Variants in NXPE4 observed in about 807,000 individuals in gnomAD.
NXPE4 encodes the protein NXPE family member 4.
NXPE4 carries 42 observed loss-of-function variants against 33.3 expected under a neutral mutation model. The observed-to-expected ratio is 1.26, with a 90% CI of 0.98 to 1.63. The LOEUF is 1.63. Among genes scored for constraint, NXPE4 ranks in the 40% most tolerant of loss-of-function variants. The pLI, the probability that NXPE4 is intolerant of heterozygous loss-of-function variation, is 0.00. For synonymous variants in NXPE4, 253 were observed against 234.9 expected (o/e 1.08, Z -0.71); for missense variants, 709 against 647.6 (o/e 1.09, Z -1.03).
Position 114,584,331 on chromosome 11 carries a change from G to A in NXPE4, c.97-1310C>T, listed in dbSNP as rs934308355. The stretch of plus-strand genomic sequence containing the variant: ...CTAACCAGAACACTAATGAGTACCT[G>A]GAGAAGATTAAACAGTGGCTGTTTG... On this transcript the variant is annotated intron_variant, in intron 2 of 5. Transcript: ENST00000375478. 7.5e-5 allele frequency: 36 copies of A among 480,508 alleles called. No homozygotes were observed. In the Middle Eastern group the frequency reaches 3.7e-3, roughly 50 times the overall value. 29.8% of individuals were successfully genotyped at this position (480,508 alleles called of 1,614,324 possible).
intron 2 of NXPE4, among the ~76,000 whole-genome samples, chr11:114,589,604 T>C (rs796100788): frequency 7.2e-5 from 11 of 152,282 alleles, no homozygotes; most frequent in African/African-American, 2.2e-4. Context: ...CAGGAAAAAC[T>C]CTTTTTCTCC....
the NXPE4 span, among the ~76,000 whole-genome samples, chr11:114,609,494 T>C: frequency 6.6e-6 from 1 of 151,848 alleles, no homozygotes; most frequent in Non-Finnish European, 1.5e-5. Context: ...GTAACCATTG[T>C]TACCTGGTGG....
the NXPE4 span, among the ~76,000 whole-genome samples, chr11:114,653,996 C>G: frequency 2.6e-5 from 4 of 152,006 alleles, no homozygotes; most frequent in Admixed American, 2.6e-4. Flanking sequence ...AAGGCATACC[C>G]GGCAGAGGGA....
At chr11:114,602,047 T>TTATATTATA in the NXPE4 span, among the ~76,000 whole-genome samples, 1 of 91,282 alleles carries the variant, frequency 1.1e-5, no homozygotes, top group Non-Finnish European at 1.9e-5. Flanking sequence ...ATAATATATA[T>TTATATTATA]TATATTATAT....
At chr11:114,613,565 A>C in the NXPE4 span, among the ~76,000 whole-genome samples, 1 of 144,252 alleles carries the variant, frequency 6.9e-6, no homozygotes, top group East Asian at 2.2e-4. Flanking sequence ...AGTGTTGCCT[A>C]TTGGGTAACC....
chr11:114,655,244 A>G, the NXPE4 span, among the ~76,000 whole-genome samples: 100 of 152,268 alleles, frequency 6.6e-4, no homozygotes, highest in Non-Finnish European at 1.1e-3. Flanking sequence ...AGATGGGTAG[A>G]TTGCAAAAAT....
chr11:114,628,795 A>G, the NXPE4 span, among the ~76,000 whole-genome samples: 1 of 151,964 alleles, frequency 6.6e-6, no homozygotes, highest in South Asian at 2.1e-4. Flanking sequence ...AATGAAAAAA[A>G]GAGAGAAGAA....
At chr11:114,578,121 G>A (rs527798241) in intron 5 of NXPE4, among the ~76,000 whole-genome samples, 5 of 152,172 alleles carry the variant, frequency 3.3e-5, no homozygotes, top group Non-Finnish European at 7.3e-5. Context: ...TTCAGAGGAG[G>A]ATTATTGATG....
intron 5 of NXPE4, among the ~76,000 whole-genome samples, chr11:114,575,851 T>C (rs1948984008): frequency 6.6e-6 from 1 of 151,932 alleles, no homozygotes; most frequent in Non-Finnish European, 1.5e-5. Flanking sequence ...AAAAAACAAT[T>C]CTAAAATTCA....
At chr11:114,633,762 A>G in the NXPE4 span, among the ~76,000 whole-genome samples, 1 of 151,624 alleles carries the variant, frequency 6.6e-6, no homozygotes, top group Non-Finnish European at 1.5e-5. Flanking sequence ...ATGATTTCCA[A>G]TTTCATCCAT....
the NXPE4 span, among the ~76,000 whole-genome samples, chr11:114,671,236 T>G: frequency 5.9e-5 from 9 of 151,420 alleles, no homozygotes; most frequent in African/African-American, 7.3e-5. Flanking sequence ...GTAGAGATTA[T>G]GCAGTCTAGA....
At chr11:114,638,750 G>T in the NXPE4 span, among the ~76,000 whole-genome samples, 1 of 152,002 alleles carries the variant, frequency 6.6e-6, no homozygotes, top group Non-Finnish European at 1.5e-5. Flanking sequence ...GTTTGCCTGG[G>T]TAACAGCAGC....
chr11:114,623,235 A>C, the NXPE4 span, among the ~76,000 whole-genome samples: 1 of 151,996 alleles, frequency 6.6e-6, no homozygotes, highest in Non-Finnish European at 1.5e-5. Flanking sequence ...CCTCTAGCAT[A>C]ACCACTGTTT....
rs111504870 is a variant in NXPE4, at chr11:114,588,052, C to A, written c.97-5031G>T. Among the ~76,000 whole-genome samples the A allele has an allele frequency of 1.6e-3, 249 of 152,298 alleles. 1 individual carries two copies. The highest frequency in any genetic ancestry group is 5.7e-3 in the African/African-American group (235 of 41,570). On this transcript the variant is annotated intron_variant, in intron 2 of 5. Coordinates refer to ENST00000375478, the MANE Select transcript of NXPE4 (RefSeq NM_001077639.2). ...ACAACCCAGAACTTTGCAAGCATTGCACAATCAGCTCAGCTCTTTCAGCAG... is the reference window on the plus strand; with the variant it reads ...ACAACCCAGAACTTTGCAAGCATTGAACAATCAGCTCAGCTCTTTCAGCAG...
At chr11:114,603,063 G>C in the NXPE4 span, among the ~76,000 whole-genome samples, 1 of 151,018 alleles carries the variant, frequency 6.6e-6, no homozygotes, top group African/African-American at 2.4e-5. Flanking sequence ...TTGTCTCATA[G>C]GTAACTATTA....
the NXPE4 span, among the ~76,000 whole-genome samples, chr11:114,628,482 G>T: frequency 6.6e-6 from 1 of 151,900 alleles, no homozygotes; most frequent in Non-Finnish European, 1.5e-5. Flanking sequence ...TGAGAACAAA[G>T]ACACAACGTA....
At position 114,582,489 on chromosome 11, in the gene NXPE4, T is replaced by C. The variant is rs746673669; in HGVS notation, c.629A>G (p.Asn210Ser). The C allele has an allele frequency of 6.2e-6, 10 of 1,614,060 alleles. No homozygotes were observed. In the South Asian group the frequency reaches 6.6e-5, roughly 11 times the overall value. Residue 210 changes from asparagine (N) to serine (S), a missense_variant, in exon 3 of 6, where the codon AAT becomes AGT. Asn to Ser is a conservative substitution (Grantham distance 46). Coordinates refer to ENST00000375478, the MANE Select transcript of NXPE4 (RefSeq NM_001077639.2). Reference sequence around the variant, plus strand: ...TTCAGAGTGGACTTGGGAAGTGCCATTGACAAACTGGCCAGTGAAGATCAC... The same window carrying C: ...TTCAGAGTGGACTTGGGAAGTGCCACTGACAAACTGGCCAGTGAAGATCAC... The part of the protein sequence containing the change: ...DRVIFTGQFV[N>S]GTSQVHSECG...
At chr11:114,577,075 TTATATATATAC>T (rs1454156593) in intron 5 of NXPE4, among the ~76,000 whole-genome samples, 6 of 113,488 alleles carry the variant, frequency 5.3e-5, no homozygotes, top group South Asian at 2.9e-4. Context: ...ATATATAAAG[TTATATATATAC>T]ATATATATAT....
the NXPE4 span, among the ~76,000 whole-genome samples, chr11:114,653,926 C>G: frequency 6.6e-6 from 1 of 152,022 alleles, no homozygotes; most frequent in Admixed American, 6.6e-5. Context: ...AGAGGAAGTT[C>G]CCATGATGTC....
Sources: gnomAD v4.1 joint callset for allele counts (sites outside exome capture counted in the v4.1 genomes callset) on GRCh38, gnomAD v4.1.1 for gene constraint, MANE v1.5 for transcripts, NCBI Gene and HGNC (gene_info 2026-07-23, HGNC 2026-07-21) for gene names.